The following RCAN2 variants were observed in gnomAD, a reference collection of about 807,000 sequenced individuals.
The protein encoded by RCAN2 is regulator of calcineurin 2, also known as calcipressin-2.
A neutral mutation model predicts 23.6 loss-of-function variants in RCAN2; 9 were observed. The observed-to-expected ratio is 0.38, with a 90% CI of 0.23 to 0.67. RCAN2 has a LOEUF of 0.67. Among genes scored for constraint, RCAN2 ranks in the 30% least tolerant of loss-of-function variants. The pLI is 0.51. For missense variants in RCAN2, 273 were observed against 302.3 expected (o/e 0.90, Z 0.72); for synonymous variants, 109 against 115.7 (o/e 0.94, Z 0.37).
chr6:46,245,269 TC>T (rs561848190), intron 4 of RCAN2, among the ~76,000 whole-genome samples: 229 of 152,332 alleles, frequency 1.5e-3, no homozygotes, highest in African/African-American at 5.3e-3. Flanking sequence ...CAAGGAAACC[TC>T]CAGTGAGCTT....
At chr6:46,253,683 TGTGA>T (rs1391948955) in intron 2 of RCAN2, among the ~76,000 whole-genome samples, 2 of 152,204 alleles carry the variant, frequency 1.3e-5, no homozygotes, top group East Asian at 3.8e-4. Context: ...TTTTTTTAAC[TGTGA>T]GTGTGTGGCT....
At chr6:46,335,981 G>C (rs1240362200) in intron 2 of RCAN2, among the ~76,000 whole-genome samples, 1 of 152,176 alleles carries the variant, frequency 6.6e-6, no homozygotes, top group Admixed American at 6.5e-5. Context: ...AGGACAACTA[G>C]CTGGACAGTG....
At chr6:46,307,589 C>A (rs915357141) in intron 2 of RCAN2, among the ~76,000 whole-genome samples, 2 of 152,182 alleles carry the variant, frequency 1.3e-5, no homozygotes, top group African/African-American at 4.8e-5. Context: ...TGCTCCTGTT[C>A]CATGCTAATC....
At chr6:46,260,974 T>C (rs750995754) in intron 2 of RCAN2, among the ~76,000 whole-genome samples, 1 of 152,046 alleles carries the variant, frequency 6.6e-6, no homozygotes, top group African/African-American at 2.4e-5. Context: ...ACAGTCCTTT[T>C]ATAGCTGCCA....
intron 2 of RCAN2, among the ~76,000 whole-genome samples, chr6:46,415,560 A>G (rs951651276): frequency 6.6e-6 from 1 of 152,282 alleles, no homozygotes; most frequent in African/African-American, 2.4e-5. Context: ...TAAACAAACT[A>G]TGGAGGAACA....
intron 2 of RCAN2, among the ~76,000 whole-genome samples, chr6:46,371,413 C>T (rs1396146989): frequency 3.9e-5 from 6 of 152,146 alleles, no homozygotes; most frequent in South Asian, 2.1e-4. Flanking sequence ...GTCAGGCTTC[C>T]GCCATCATAT....
At chr6:46,451,663 C>T (rs1452874683) in intron 2 of RCAN2, among the ~76,000 whole-genome samples, 1 of 152,178 alleles carries the variant, frequency 6.6e-6, no homozygotes, top group Non-Finnish European at 1.5e-5. Context: ...GTTAGACTAG[C>T]TCAGCGTTTA....
intron 2 of RCAN2, among the ~76,000 whole-genome samples, chr6:46,340,622 C>T (rs1262736897): frequency 1.3e-5 from 2 of 152,180 alleles, no homozygotes; most frequent in Non-Finnish European, 2.9e-5. Context: ...ACTCCTATTT[C>T]CTTCAACCCC....
intron 2 of RCAN2, chr6:46,325,683 G>A: frequency 7.3e-7 from 1 of 1,368,224 alleles, no homozygotes; most frequent in Non-Finnish European, 9.4e-7. Context: ...GAACGGCCCG[G>A]CTCGCTCATG....
intron 2 of RCAN2, among the ~76,000 whole-genome samples, chr6:46,301,074 A>G (rs1031023512): frequency 6.6e-6 from 1 of 152,088 alleles, no homozygotes; most frequent in Non-Finnish European, 1.5e-5. Context: ...AATCTGGGCC[A>G]TATTTCTTTC....
chr6:46,324,758 G>A (rs1439833626), intron 2 of RCAN2, among the ~76,000 whole-genome samples: 1 of 152,246 alleles, frequency 6.6e-6, no homozygotes, highest in Non-Finnish European at 1.5e-5. Context: ...GGACCAGCAT[G>A]TATAATACTA....
At chr6:46,388,019 C>T (rs551709208) in intron 2 of RCAN2, among the ~76,000 whole-genome samples, 29 of 151,924 alleles carry the variant, frequency 1.9e-4, no homozygotes, top group African/African-American at 4.6e-4. Context: ...AACCAAACAC[C>T]GCACGTTCTC....
At chr6:46,468,826 G>A (rs1768468809) in intron 1 of RCAN2, 3 of 985,200 alleles carry the variant, frequency 3.0e-6, no homozygotes, top group Admixed American at 6.1e-5. Context: ...CTCAACTTGA[G>A]TGACTTCCTG....
chr6:46,323,272 G>A (rs1763677145), intron 2 of RCAN2, among the ~76,000 whole-genome samples: 1 of 151,700 alleles, frequency 6.6e-6, no homozygotes, highest in Non-Finnish European at 1.5e-5. Context: ...CAGGCACTGT[G>A]TTAATTATTC....
At chr6:46,434,328 C>G (rs144786071) in intron 2 of RCAN2, among the ~76,000 whole-genome samples, 1 of 152,278 alleles carries the variant, frequency 6.6e-6, no homozygotes, top group African/African-American at 2.4e-5. Flanking sequence ...AGAGTGGGTG[C>G]AGTAATGGTG....
intron 2 of RCAN2, among the ~76,000 whole-genome samples, chr6:46,253,865 C>T (rs1187404482): frequency 3.3e-5 from 5 of 152,016 alleles, no homozygotes; most frequent in South Asian, 2.1e-4. Flanking sequence ...AATTGCCTAC[C>T]GAATTCAGTA....
chr6:46,419,880 AT>A (rs1427639755), intron 2 of RCAN2, among the ~76,000 whole-genome samples: 1 of 152,200 alleles, frequency 6.6e-6, no homozygotes, highest in African/African-American at 2.4e-5. Flanking sequence ...GCCTTTCAAA[AT>A]TCAGTATAGA....
chr6:46,367,294 T>C (rs1413408744), intron 2 of RCAN2, among the ~76,000 whole-genome samples: 1 of 151,940 alleles, frequency 6.6e-6, no homozygotes, highest in Non-Finnish European at 1.5e-5. Context: ...TCTAGGCTTG[T>C]CATAATATAC....
Position 46,473,235 on chromosome 6 carries a change from T to C in RCAN2, c.-2-16257A>G, listed in dbSNP as rs561618252. Among the ~76,000 whole-genome samples the C allele has an allele frequency of 7.2e-5, 11 of 152,338 alleles. No homozygotes were observed. The South Asian group carries it at 1.9e-3, about 26-fold the overall frequency. On this transcript the variant is annotated intron_variant, in intron 1 of 4. Coordinates refer to ENST00000371374, the MANE Select transcript of RCAN2 (RefSeq NM_001251974.2). ...ACCAATGCTTTTCTCTCCTTTCTTTTGCCACATACAATATCTTACGGTATA... is the reference window on the plus strand; with the variant it reads ...ACCAATGCTTTTCTCTCCTTTCTTTCGCCACATACAATATCTTACGGTATA...
Sources: allele counts gnomAD v4.1 joint callset (sites outside exome capture counted in the v4.1 genomes callset), GRCh38; gene constraint gnomAD v4.1.1; transcripts MANE v1.5; gene names NCBI Gene and HGNC (gene_info 2026-07-23, HGNC 2026-07-21).